TJP1: variants seen among roughly 807,000 people sequenced by gnomAD.
The protein encoded by TJP1 is tight junction protein 1, also known as tight junction protein ZO-1.
Under a neutral mutation model 194.2 loss-of-function variants are expected in TJP1, and 43 were observed. The ratio of observed to expected loss-of-function variants is 0.22; its 90% CI spans 0.17 to 0.29. The LOEUF (loss-of-function observed/expected upper bound fraction) is 0.29, where lower values mean the gene tolerates loss of function less well. TJP1 is among the 10% of genes least tolerant of loss of function. The pLI is 1.00. For synonymous variants in TJP1, 801 were observed against 779.0 expected, an observed-to-expected ratio of 1.03 and a Z score of -0.47; for missense variants, 1,971 against 2,185.7, an observed-to-expected ratio of 0.90 and a Z score of 1.96.
At chr15:29,821,969 C>G (rs747142745) in intron 1 of TJP1, 33 bp downstream of exon 1, 381 of 1,243,904 alleles carry the variant, frequency 3.1e-4, no homozygotes, top group Non-Finnish European at 3.4e-4. Flanking sequence ...ACGGTCGGCC[C>G]GGTCTGGCCC....
intron 2 of TJP1, among the ~76,000 whole-genome samples, chr15:29,949,117 T>TC: frequency 1.1e-5 from 1 of 89,864 alleles, no homozygotes; most frequent in African/African-American, 4.5e-5. Context: ...CTTCCACCTC[T>TC]ACAACCACCA....
chr15:29,957,922 CT>C (rs1241391807), intron 1 of TJP1, among the ~76,000 whole-genome samples: 4 of 152,120 alleles, frequency 2.6e-5, no homozygotes, highest in African/African-American at 9.7e-5. Context: ...AACTTTATCA[CT>C]TTATTATTTT....
At chr15:29,784,037 C>T (rs747056329) in intron 2 of TJP1, among the ~76,000 whole-genome samples, 2 of 151,750 alleles carry the variant, frequency 1.3e-5, no homozygotes, top group African/African-American at 4.8e-5. Context: ...ATTACAAACA[C>T]TAAAGACAAG....
intron 2 of TJP1, among the ~76,000 whole-genome samples, chr15:29,873,784 GCTAATGATGTACCC>G (rs2052606551): frequency 6.6e-6 from 1 of 152,154 alleles, no homozygotes; most frequent in Admixed American, 6.5e-5. Context: ...GAACTGTCAA[GCTAATGATGTACCC>G]CTTTTCCTTG....
chr15:29,816,552 AGTT>A lies in TJP1; in HGVS notation c.27+5447_27+5449del, dbSNP rs541649065. Among the ~76,000 whole-genome samples the A allele has an allele frequency of 2.4e-3, 363 of 152,352 alleles. 5 individuals are homozygous for A. Among genetic ancestry groups the A allele is most frequent in the African/African-American group, 8.6e-3 (358 of 41,592 alleles). ...TATTGCTACAGTGAGGATCATTAAA[AGTT>A]GGCAGCCAAACTTCAGTGACTTCTC... On this transcript the variant is annotated intron_variant, in intron 1 of 27. Transcript: ENST00000614355.
intron 1 of TJP1, among the ~76,000 whole-genome samples, chr15:29,960,321 A>C (rs1394253398): frequency 6.6e-6 from 1 of 152,038 alleles, no homozygotes; most frequent in Non-Finnish European, 1.5e-5. Flanking sequence ...CATAAACAAA[A>C]CTAGAAGAAT....
intron 5 of TJP1, 98 bp from the exon 6 acceptor site, chr15:29,762,536 T>C: frequency 2.6e-6 from 2 of 771,212 alleles, no homozygotes. Context: ...CTGCATAGAG[T>C]TTTCAAGTAC....
chr15:29,952,873 T>A (rs1394473608), intron 2 of TJP1, among the ~76,000 whole-genome samples: 3 of 152,144 alleles, frequency 2.0e-5, no homozygotes, highest in African/African-American at 7.2e-5. Context: ...TACAAAGTGG[T>A]ATCTATGGTG....
At chr15:29,715,773 CAGT>C in intron 23 of TJP1, among the ~76,000 whole-genome samples, 1 of 152,284 alleles carries the variant, frequency 6.6e-6, no homozygotes, top group South Asian at 2.1e-4. Flanking sequence ...TCACACTCCC[CAGT>C]AGCTCAAAAT....
chr15:29,900,759 ACT>A (rs1267786334), intron 2 of TJP1, among the ~76,000 whole-genome samples: 1 of 152,170 alleles, frequency 6.6e-6, no homozygotes, highest in African/African-American at 2.4e-5. Context: ...AAGTTTACAA[ACT>A]CTATTGAATT....
At chr15:29,963,385 T>C (rs2056227746) in intron 1 of TJP1, among the ~76,000 whole-genome samples, 1 of 152,208 alleles carries the variant, frequency 6.6e-6, no homozygotes, top group African/African-American at 2.4e-5. Flanking sequence ...AATGACCTAA[T>C]TTGTAAAACC....
intron 2 of TJP1, among the ~76,000 whole-genome samples, chr15:29,895,546 T>C (rs547573860): frequency 4.7e-4 from 71 of 152,322 alleles, no homozygotes; most frequent in Non-Finnish European, 9.3e-4. Flanking sequence ...TCCATATTTC[T>C]GACAATATTC....
chr15:29,800,625 C>T (rs2151884397), intron 2 of TJP1, 21 bp downstream of exon 2: 1 of 1,613,352 alleles, frequency 6.2e-7, no homozygotes, highest in Non-Finnish European at 8.5e-7. Context: ...ACACAGATTA[C>T]TTACTGCAAC....
At chr15:29,751,477 C>A (rs1420717920) in intron 8 of TJP1, among the ~76,000 whole-genome samples, 2 of 152,218 alleles carry the variant, frequency 1.3e-5, no homozygotes, top group Non-Finnish European at 2.9e-5. Flanking sequence ...ATCTATTAAT[C>A]TAGTCCATCC....
chr15:29,822,557 CGGGGCCGCGGCGGGGGAG>C (rs2050487817), upstream of TJP1: 6 of 343,622 alleles, frequency 1.7e-5, no homozygotes, highest in African/African-American at 2.3e-5. Context: ...GGGGAGGGGG[CGGGGCCGCGGCGGGGGAG>C]GGGGCGGGAC....
intron 23 of TJP1, 139 bp downstream of exon 23, chr15:29,716,472 A>C: frequency 1.6e-6 from 1 of 641,276 alleles, no homozygotes; most frequent in Non-Finnish European, 2.6e-6. Context: ...CCCAGAACTA[A>C]AAAGTATGTA....
chr15:29,713,106 A>G (rs569259650), intron 23 of TJP1, among the ~76,000 whole-genome samples: 9 of 152,296 alleles, frequency 5.9e-5, no homozygotes, highest in South Asian at 2.1e-4. Flanking sequence ...ACAACTGAAC[A>G]TCAGTCTCTC....
At chr15:29,860,818 C>G (rs1429017132) in intron 2 of TJP1, among the ~76,000 whole-genome samples, 5 of 152,150 alleles carry the variant, frequency 3.3e-5, no homozygotes, top group Admixed American at 2.6e-4. Flanking sequence ...CTGTATCTAG[C>G]AAGTCGACAG....
At chr15:29,760,295 A>C in intron 8 of TJP1, 1 of 701,974 alleles carries the variant, frequency 1.4e-6, no homozygotes, top group Non-Finnish European at 2.6e-6. Flanking sequence ...AGATTCTCAA[A>C]TGTACGTGTG....
Sources: allele counts gnomAD v4.1 joint callset (sites outside exome capture counted in the v4.1 genomes callset), GRCh38; gene constraint gnomAD v4.1.1; transcripts MANE v1.5; gene names NCBI Gene and HGNC (gene_info 2026-07-23, HGNC 2026-07-21).